Variants in PPP2R1A observed in about 807,000 individuals in gnomAD.
PPP2R1A encodes the protein serine/threonine-protein phosphatase 2A 65 kDa regulatory subunit A alpha isoform.
Under a neutral mutation model 67.1 loss-of-function variants are expected in PPP2R1A, and 15 were observed. The observed-to-expected ratio is 0.22, with a 90% CI of 0.15 to 0.34. The LOEUF is 0.34. Ranked by LOEUF, PPP2R1A falls within the 10% of genes least tolerant of loss-of-function variation. The pLI, the probability that PPP2R1A is intolerant of heterozygous loss-of-function variation, is 1.00. For missense variants in PPP2R1A, 369 were observed against 775.0 expected (o/e 0.48, Z 6.22); for synonymous variants, 337 against 325.0 (o/e 1.04, Z -0.40).
intron 3 of PPP2R1A, among the ~76,000 whole-genome samples, chr19:52,206,816 GTTT>G (rs2089607745): frequency 6.6e-6 from 1 of 152,120 alleles, no homozygotes; most frequent in African/African-American, 2.4e-5. Flanking sequence ...TAGTCCCCTG[GTTT>G]TCACTGTTCT....
Position 52,211,327 on chromosome 19 carries a change from G to A in PPP2R1A, c.338G>A (p.Arg113Gln), listed in dbSNP as rs2122329495. The change falls in exon 4 of 15, where the codon CGG becomes CAG. Residue 113 changes from arginine to glutamine, a missense_variant. Arg to Gln is a conservative substitution (Grantham distance 43). Transcript: ENST00000322088. This position sits in a 1 kb window ranked among gnomAD's most constrained non-coding sequence, Gnocchi z 5.3. ...CGGGACAAGGCAGTGGAGTCCTTAC[G>A]GGCCATCTCACACGAGCACTCGCCC... ...VVRDKAVESL[R>Q]AISHEHSPSD... 6.2e-7 allele frequency: 1 copy of A among 1,613,864 alleles called. No homozygotes were observed. The highest frequency in any genetic ancestry group is 8.5e-7 in the Non-Finnish European group (1 of 1,179,942).
chr19:52,221,259 A>G (rs1223604757), intron 12 of PPP2R1A, 126 bp downstream of exon 12: 3 of 1,359,200 alleles, frequency 2.2e-6, no homozygotes, highest in Admixed American at 2.0e-5. Context: ...TGCATCTTCT[A>G]TCCAGAGATG....
In PPP2R1A at chr19:52,216,678, A is replaced by G; in HGVS notation, c.1128+15A>G. On this transcript the variant is annotated intron_variant, in intron 9 of 14. Transcript: ENST00000322088. This position sits in a 1 kb window ranked among gnomAD's most constrained non-coding sequence, Gnocchi z 4.3. ...TGAAGGATGAGGTAAGGGCACCAGG[A>G]TCTCAGCTCTGGGTTTGTGGAGGGG... 1.2e-6 allele frequency: 2 copies of G among 1,614,102 alleles called. No homozygotes were observed. Among genetic ancestry groups the G allele is most frequent in the Non-Finnish European group, 1.7e-6 (2 of 1,180,014 alleles).
chr19:52,214,729 CT>C (rs761403678), intron 6 of PPP2R1A, among the ~76,000 whole-genome samples: 695 of 142,182 alleles, frequency 4.9e-3, no homozygotes, highest in Non-Finnish European at 5.1e-3. Context: ...GCGTGCCTCC[CT>C]TTTTTTTTTT....
rs926113353 is a variant in PPP2R1A, at chr19:52,190,083, G to C, written c.-14G>C. On this transcript the variant is annotated 5_prime_UTR_variant, in exon 1 of 15. Transcript: ENST00000322088. ...GCGCTGGCCGCAGTCTGACAGGAAA[G>C]GGACGGAGCCAAGATGGCGGCGGCC... The C allele has an allele frequency of 1.3e-6, 2 of 1,549,610 alleles. No individual in the cohort carries two copies. The highest frequency in any genetic ancestry group is 8.7e-7 in the Non-Finnish European group (1 of 1,146,316).
chr19:52,191,756 T>C (rs187683432), intron 1 of PPP2R1A, among the ~76,000 whole-genome samples: 22 of 152,312 alleles, frequency 1.4e-4, no homozygotes, highest in Middle Eastern at 3.4e-3. Context: ...GTATGAGATA[T>C]GATGCTGGGG....
intron 1 of PPP2R1A, among the ~76,000 whole-genome samples, chr19:52,191,588 A>G (rs1310237808): frequency 3.3e-5 from 5 of 152,108 alleles, no homozygotes; most frequent in East Asian, 1.9e-4. Context: ...GGTGGCATAC[A>G]GGTTGTGGTT....
At chr19:52,203,063 G>T (rs1356809684) in intron 2 of PPP2R1A, among the ~76,000 whole-genome samples, 1 of 152,160 alleles carries the variant, frequency 6.6e-6, no homozygotes, top group South Asian at 2.1e-4. Flanking sequence ...ACAGCTGAAG[G>T]TTCAGAGTGC....
intron 13 of PPP2R1A, among the ~76,000 whole-genome samples, chr19:52,222,843 C>G (rs1435439448): frequency 6.6e-6 from 1 of 152,232 alleles, no homozygotes; most frequent in African/African-American, 2.4e-5. Context: ...TGCCACTGCA[C>G]TCCAGCCTGG....
chr19:52,214,728 C>T (rs923770847), intron 6 of PPP2R1A, among the ~76,000 whole-genome samples: 5 of 151,716 alleles, frequency 3.3e-5, no homozygotes, highest in African/African-American at 1.2e-4. Flanking sequence ...AGCGTGCCTC[C>T]CTTTTTTTTT....
intron 3 of PPP2R1A, among the ~76,000 whole-genome samples, chr19:52,208,409 TC>T (rs1272156958): frequency 6.6e-6 from 1 of 152,178 alleles, no homozygotes; most frequent in Non-Finnish European, 1.5e-5. Context: ...CCTCAGGTGA[TC>T]CACCCACCCC....
intron 6 of PPP2R1A, among the ~76,000 whole-genome samples, chr19:52,214,497 T>C (rs979238493): frequency 3.3e-5 from 5 of 152,204 alleles, no homozygotes; most frequent in Non-Finnish European, 5.9e-5. Flanking sequence ...TTTTAGGCTG[T>C]TAAACCAGTT....
intron 12 of PPP2R1A, 106 bp downstream of exon 12, chr19:52,221,239 A>G: frequency 6.8e-7 from 1 of 1,468,140 alleles, no homozygotes; most frequent in Non-Finnish European, 9.3e-7. Flanking sequence ...TTGGGAATGG[A>G]GACATGGAGT....
At chr19:52,217,586 G>A (rs1359617255) in intron 9 of PPP2R1A, among the ~76,000 whole-genome samples, 1 of 152,178 alleles carries the variant, frequency 6.6e-6, no homozygotes, top group Non-Finnish European at 1.5e-5. Flanking sequence ...AGGTGTTACA[G>A]GTGCTGTTAA....
intron 1 of PPP2R1A, chr19:52,201,433 C>T (rs1198317260): frequency 6.5e-6 from 1 of 153,676 alleles, no homozygotes; most frequent in Non-Finnish European, 1.5e-5. Context: ...TCTTAGCTGT[C>T]TGACCCTGAG....
chr19:52,220,277 G>A lies in PPP2R1A; in HGVS notation c.1363+28G>A, dbSNP rs764651816. On this transcript the variant is annotated intron_variant, in intron 11 of 14. Coordinates refer to ENST00000322088, the MANE Select transcript of PPP2R1A (RefSeq NM_014225.6). ...GAGTACCTTCACAGGAGCAGCAAGA[G>A]GAGATGGGAGCTCCAGAAAGGCAGG... 16 of 1,608,366 alleles carry A rather than the reference G, an allele frequency of 9.9e-6. 1 individual carries two copies. In the Admixed American group the frequency reaches 1.3e-4, roughly 13 times the overall value.
intron 1 of PPP2R1A, among the ~76,000 whole-genome samples, chr19:52,196,411 C>T (rs1375984074): frequency 6.6e-6 from 1 of 152,164 alleles, no homozygotes. Context: ...TTTGACTGGC[C>T]TGTTTTGGTT....
rs763090339 is a variant in PPP2R1A, at chr19:52,222,023, C to T, written c.1519-76C>T. On this transcript the variant is annotated intron_variant, in intron 12 of 14. Coordinates refer to ENST00000322088, the MANE Select transcript of PPP2R1A (RefSeq NM_014225.6). ...TGGGGCCTGATGATCACCAGAGTGG[C>T]CTGGTCAGAGGCAGCAGGAAATGAG... 6.2e-6 allele frequency: 9 copies of T among 1,444,832 alleles called. No individual in the cohort carries two copies. In the African/African-American group the frequency reaches 1.1e-4, roughly 18 times the overall value. The allele number at this position is 1,444,832 out of a possible 1,614,324, so 89.5% of individuals were successfully genotyped here.
At chr19:52,223,299 G>T (rs562028899) in intron 13 of PPP2R1A, among the ~76,000 whole-genome samples, 47 of 152,148 alleles carry the variant, frequency 3.1e-4, no homozygotes, top group Non-Finnish European at 5.6e-4. Context: ...TAAAAATAAA[G>T]GACCTAGAAG....
Sources: gnomAD v4.1 joint callset for allele counts (sites outside exome capture counted in the v4.1 genomes callset) on GRCh38, gnomAD v4.1.1 for gene constraint, Gnocchi (gnomAD v3.1) non-coding constraint, MANE v1.5 for transcripts, NCBI Gene and HGNC (gene_info 2026-07-23, HGNC 2026-07-21) for gene names.